The following SHROOM2 variants were observed in gnomAD, a reference collection of about 807,000 sequenced individuals.
The protein encoded by SHROOM2 is protein Shroom2.
In SHROOM2, 33 loss-of-function variants were observed where a neutral mutation model predicts 75.9. The ratio of observed to expected loss-of-function variants is 0.43; its 90% CI spans 0.33 to 0.58. The LOEUF (loss-of-function observed/expected upper bound fraction) is 0.58, where lower values mean the gene tolerates loss of function less well. Ranked by LOEUF, SHROOM2 falls within the 20% of genes least tolerant of loss-of-function variation. The pLI is 0.04. For synonymous variants in SHROOM2, 655 were observed against 663.6 expected (o/e 0.99, Z 0.20); for missense variants, 1,434 against 1,461.2 (o/e 0.98, Z 0.30).
intron 1 of SHROOM2, among the ~76,000 whole-genome samples, chrX:9,795,220 G>A (rs1381297306): frequency 1.8e-5 from 2 of 109,999 alleles, no homozygotes; most frequent in Non-Finnish European, 3.8e-5. Context: ...GAACTCCTGT[G>A]CTTAACTGAT....
At chrX:9,935,307 T>C (rs377230450) in intron 6 of SHROOM2, among the ~76,000 whole-genome samples, 75 of 73,532 alleles carry the variant, frequency 1.0e-3, no homozygotes, top group African/African-American at 5.1e-3. Flanking sequence ...TTTTCCTCCT[T>C]CTTTTATTAT....
chrX:9,812,059 G>A (rs901766808), intron 1 of SHROOM2, among the ~76,000 whole-genome samples: 15 of 111,987 alleles, frequency 1.3e-4, no homozygotes, highest in Admixed American at 3.8e-4. Flanking sequence ...GTCGCATGGT[G>A]ACTTGATGAC....
chrX:9,897,649 C>G (rs1271697572), intron 4 of SHROOM2, among the ~76,000 whole-genome samples: 1 of 95,613 alleles, frequency 1.0e-5, no homozygotes, highest in African/African-American at 4.0e-5. Context: ...CCACTATACT[C>G]CAGCCTGGGC....
chrX:9,862,274 G>A (rs1429699907), intron 1 of SHROOM2, among the ~76,000 whole-genome samples: 1 of 110,801 alleles, frequency 9.0e-6, no homozygotes, highest in African/African-American at 3.3e-5. Context: ...TAGAGGGAGT[G>A]GCCACTCCCT....
chrX:9,856,045 A>T (rs1464491537), intron 1 of SHROOM2, among the ~76,000 whole-genome samples: 7 of 54,827 alleles, frequency 1.3e-4, no homozygotes, highest in Admixed American at 2.4e-4. Context: ...TTTTTTTTTT[A>T]AAGCAAAACC....
chrX:9,865,852 G>A (rs374263205), intron 1 of SHROOM2, among the ~76,000 whole-genome samples: 24 of 109,891 alleles, frequency 2.2e-4, no homozygotes, highest in East Asian at 8.7e-4. Context: ...GAGCCACCGC[G>A]CCTGGCCTCC....
At chrX:9,853,255 G>T (rs768735178) in intron 1 of SHROOM2, among the ~76,000 whole-genome samples, 2 of 111,528 alleles carry the variant, frequency 1.8e-5, no homozygotes, top group Non-Finnish European at 3.8e-5. Flanking sequence ...CAGCTGTGGA[G>T]GACTGAGGCT....
At chrX:9,855,187 C>A (rs775055932) in intron 1 of SHROOM2, among the ~76,000 whole-genome samples, 1 of 101,018 alleles carries the variant, frequency 9.9e-6, no homozygotes, top group African/African-American at 3.7e-5. Context: ...AGGAGAAATA[C>A]CTAATGTAGG....
chrX:9,934,663 T>A (rs1457112598), intron 6 of SHROOM2, among the ~76,000 whole-genome samples: 1 of 111,690 alleles, frequency 9.0e-6, no homozygotes, highest in Non-Finnish European at 1.9e-5. Flanking sequence ...ACTGTTCTCA[T>A]GTGGAAGTCA....
At chrX:9,824,152 G>C (rs986648090) in intron 1 of SHROOM2, among the ~76,000 whole-genome samples, 6 of 110,809 alleles carry the variant, frequency 5.4e-5, no homozygotes, top group Admixed American at 9.6e-5. Flanking sequence ...AATTAAGGTC[G>C]GCCGGGTGCT....
At chrX:9,891,869 GT>G (rs1340512777) in intron 3 of SHROOM2, among the ~76,000 whole-genome samples, 4 of 61,759 alleles carry the variant, frequency 6.5e-5, no homozygotes, top group Admixed American at 1.8e-4. Context: ...AGCATGTTTG[GT>G]GTGTGTGTGT....
chrX:9,812,707 G>A (rs1482535786), intron 1 of SHROOM2, among the ~76,000 whole-genome samples: 1 of 112,175 alleles, frequency 8.9e-6, no homozygotes, highest in Admixed American at 9.5e-5. Context: ...ATGTCTTAGG[G>A]AAGCGAAAAG....
At chrX:9,848,510 C>CACAAA (rs1555927073) in intron 1 of SHROOM2, among the ~76,000 whole-genome samples, 2 of 22,023 alleles carry the variant, frequency 9.1e-5, no homozygotes, top group African/African-American at 3.1e-4. Flanking sequence ...GACTCCGTCT[C>CACAAA]AAAAAAAAAA....
chrX:9,821,617 C>G (rs975346801), intron 1 of SHROOM2, among the ~76,000 whole-genome samples: 1 of 112,250 alleles, frequency 8.9e-6, no homozygotes, highest in Non-Finnish European at 1.9e-5. Context: ...TATTGCACCC[C>G]ACCACATTTG....
chrX:9,809,641 G>A (rs1357372344), intron 1 of SHROOM2, among the ~76,000 whole-genome samples: 4 of 112,369 alleles, frequency 3.6e-5, no homozygotes, highest in Non-Finnish European at 7.5e-5. Flanking sequence ...ATTACATAAA[G>A]CTGATAATAC....
chrX:9,846,467 T>C (rs1427468186), intron 1 of SHROOM2, among the ~76,000 whole-genome samples: 1 of 111,506 alleles, frequency 9.0e-6, no homozygotes, highest in Non-Finnish European at 1.9e-5. Context: ...GATAATTTTT[T>C]TGTATTTTTA....
rs1382593616 is a variant in SHROOM2 at position 9,797,646 on chromosome X, C to A, written c.165+10936C>A. ...CATTGGCGTCTTTCCACCTCCTTACCCTTTTCTCTCAGCTGGTAATTTATT... is the reference window on the plus strand; with the variant it reads ...CATTGGCGTCTTTCCACCTCCTTACACTTTTCTCTCAGCTGGTAATTTATT... On this transcript the variant is annotated intron_variant, in intron 1 of 9. Coordinates refer to ENST00000380913, the MANE Select transcript of SHROOM2 (RefSeq NM_001649.4). Among the ~76,000 whole-genome samples, 3 of 112,225 alleles carry A rather than the reference C, an allele frequency of 2.7e-5. No homozygotes were observed. In the East Asian group the frequency reaches 8.4e-4, roughly 31 times the overall value.
At chrX:9,846,368 C>T (rs1156367698) in intron 1 of SHROOM2, among the ~76,000 whole-genome samples, 2 of 112,136 alleles carry the variant, frequency 1.8e-5, no homozygotes, top group Non-Finnish European at 3.8e-5. Context: ...AATCTCAGCT[C>T]ACTGCAACCT....
At chrX:9,887,319 C>T (rs1256039831) in intron 2 of SHROOM2, among the ~76,000 whole-genome samples, 1 of 111,786 alleles carries the variant, frequency 8.9e-6, no homozygotes, top group Non-Finnish European at 1.9e-5. Context: ...GCTTTGTGTA[C>T]ATGGGGAGGA....
Sources: gnomAD v4.1 joint callset for allele counts (sites outside exome capture counted in the v4.1 genomes callset) on GRCh38, gnomAD v4.1.1 for gene constraint, MANE v1.5 for transcripts, NCBI Gene and HGNC (gene_info 2026-07-23, HGNC 2026-07-21) for gene names.